The following CORO2B variants were observed in gnomAD, a reference collection of about 807,000 sequenced individuals.
CORO2B encodes the protein coronin-2B.
Under a neutral mutation model 58.8 loss-of-function variants are expected in CORO2B, and 26 were observed. The observed-to-expected ratio is 0.44, with a 90% CI of 0.32 to 0.61. The LOEUF (loss-of-function observed/expected upper bound fraction) is 0.61. Among genes scored for constraint, CORO2B ranks in the 20% least tolerant of loss-of-function variants. CORO2B has a pLI of 0.04. For synonymous variants in CORO2B, 242 were observed against 253.8 expected, an observed-to-expected ratio of 0.95 and a Z score of 0.44; for missense variants, 460 against 645.1, an observed-to-expected ratio of 0.71 and a Z score of 3.11.
intron 2 of CORO2B, among the ~76,000 whole-genome samples, chr15:68,652,253 G>A (rs1337657875): frequency 6.6e-6 from 1 of 152,160 alleles, no homozygotes; most frequent in Non-Finnish European, 1.5e-5. Context: ...TTTTCCCCTA[G>A]TTAACATTCA....
At chr15:68,586,748 C>T (rs146598423) in intron 1 of CORO2B, among the ~76,000 whole-genome samples, 1,717 of 152,136 alleles carry the variant, frequency 0.011, 27 homozygotes, top group Non-Finnish European at 0.02. Context: ...GGGAGGGTGG[C>T]CTGACCCTGG....
At chr15:68,644,139 T>G (rs998027633) in intron 1 of CORO2B, among the ~76,000 whole-genome samples, 1 of 152,228 alleles carries the variant, frequency 6.6e-6, no homozygotes, top group Admixed American at 6.5e-5. Context: ...TCCAAAATCT[T>G]AGCGGCTTAT....
At chr15:68,537,589 G>A in the CORO2B span, among the ~76,000 whole-genome samples, 1 of 152,046 alleles carries the variant, frequency 6.6e-6, no homozygotes, top group Non-Finnish European at 1.5e-5. Flanking sequence ...CTGTCAACCC[G>A]TCACCTAGGT....
At chr15:68,686,342 A>G (rs1339119676) in intron 2 of CORO2B, among the ~76,000 whole-genome samples, 1 of 151,910 alleles carries the variant, frequency 6.6e-6, no homozygotes, top group Admixed American at 6.6e-5. Flanking sequence ...GGCTTCATAC[A>G]CTGATTTCTA....
chr15:68,578,692 G>T (rs1293741274), upstream of CORO2B, among the ~76,000 whole-genome samples: 2 of 152,124 alleles, frequency 1.3e-5, no homozygotes, highest in South Asian at 2.1e-4. This position sits in a 1 kb window ranked among gnomAD's most constrained non-coding sequence, Gnocchi z 4.2. Context: ...CCGGGCCAGC[G>T]GGACACCCGA....
chr15:68,537,715 G>T, the CORO2B span, among the ~76,000 whole-genome samples: 1 of 152,102 alleles, frequency 6.6e-6, no homozygotes, highest in African/African-American at 2.4e-5. Context: ...ACATTGTTCA[G>T]CTCCCGCTTA....
intron 3 of CORO2B, among the ~76,000 whole-genome samples, chr15:68,708,517 C>A (rs975705159): frequency 6.6e-6 from 1 of 151,828 alleles, no homozygotes. Context: ...CCTGCCACTA[C>A]GCCTGGCTAA....
At chr15:68,555,978 G>T in the CORO2B span, among the ~76,000 whole-genome samples, 1 of 152,264 alleles carries the variant, frequency 6.6e-6, no homozygotes, top group Non-Finnish European at 1.5e-5. Flanking sequence ...GAACTGGAAA[G>T]GTTAATCGTG....
At chr15:68,598,880 C>T (rs1899905886) in intron 1 of CORO2B, among the ~76,000 whole-genome samples, 1 of 152,198 alleles carries the variant, frequency 6.6e-6, no homozygotes, top group Admixed American at 6.5e-5. Flanking sequence ...GGGATGGGAG[C>T]TGGGGCAGCC....
At position 68,644,014 on chromosome 15, in the gene CORO2B, G is replaced by A. The variant is rs115683580; in HGVS notation, c.16-1146G>A. On this transcript the variant is annotated intron_variant, in intron 1 of 11. Transcript: ENST00000261861. ...ATCGCACCATTGCACTCCAGCCTGG[G>A]TGACAGCCCCATCTCAAAAACAAAC... Among the ~76,000 whole-genome samples, 873 of 151,962 alleles carry A rather than the reference G, an allele frequency of 5.7e-3. 8 individuals carry two copies. The highest frequency in any genetic ancestry group is 0.02 in the African/African-American group (844 of 41,448).
chr15:68,537,328 G>T, the CORO2B span, among the ~76,000 whole-genome samples: 1 of 152,162 alleles, frequency 6.6e-6, no homozygotes, highest in Non-Finnish European at 1.5e-5. Flanking sequence ...AGATCTGGAG[G>T]GTGAAAGAGG....
At chr15:68,556,004 TG>T in the CORO2B span, among the ~76,000 whole-genome samples, 41 of 152,364 alleles carry the variant, frequency 2.7e-4, no homozygotes, top group Non-Finnish European at 2.1e-4. Context: ...ACAGAGGAGC[TG>T]GGTTCAGAGA....
the CORO2B span, among the ~76,000 whole-genome samples, chr15:68,568,793 A>C: frequency 6.6e-6 from 1 of 152,184 alleles, no homozygotes; most frequent in African/African-American, 2.4e-5. Context: ...ACACATGGAC[A>C]CAGGGAGGGG....
intron 2 of CORO2B, among the ~76,000 whole-genome samples, chr15:68,647,324 C>T (rs1901466407): frequency 6.6e-6 from 1 of 152,262 alleles, no homozygotes; most frequent in East Asian, 1.9e-4. Context: ...TACTTGACTA[C>T]AATATTTGCA....
chr15:68,613,919 G>A (rs911298434), intron 1 of CORO2B, among the ~76,000 whole-genome samples: 8 of 152,204 alleles, frequency 5.3e-5, no homozygotes, highest in African/African-American at 1.9e-4. Flanking sequence ...TGTGAGTTTA[G>A]CTTCCTTATT....
intron 1 of CORO2B, among the ~76,000 whole-genome samples, chr15:68,623,860 T>C (rs1376454519): frequency 6.6e-6 from 1 of 152,136 alleles, no homozygotes; most frequent in Non-Finnish European, 1.5e-5. Context: ...ACACCACGGA[T>C]TACAGCAGCT....
intron 1 of CORO2B, among the ~76,000 whole-genome samples, chr15:68,585,223 GTGTC>G (rs1174581225): frequency 6.6e-6 from 1 of 152,186 alleles, no homozygotes; most frequent in Admixed American, 6.5e-5. Flanking sequence ...GATAAACAGA[GTGTC>G]TGAGTGGAGA....
At chr15:68,672,825 C>T (rs1902448301) in intron 2 of CORO2B, among the ~76,000 whole-genome samples, 1 of 152,142 alleles carries the variant, frequency 6.6e-6, no homozygotes, top group Non-Finnish European at 1.5e-5. Flanking sequence ...CCTGCCCCTC[C>T]CCACCCCCAC....
intron 1 of CORO2B, among the ~76,000 whole-genome samples, chr15:68,611,372 G>A (rs1900243745): frequency 6.6e-6 from 1 of 152,068 alleles, no homozygotes; most frequent in Admixed American, 6.5e-5. Context: ...CCTTTGCATT[G>A]GGTGTTTTCC....
Sources: gnomAD v4.1 joint callset for allele counts (sites outside exome capture counted in the v4.1 genomes callset) on GRCh38, gnomAD v4.1.1 for gene constraint, Gnocchi (gnomAD v3.1) non-coding constraint, MANE v1.5 for transcripts, NCBI Gene and HGNC (gene_info 2026-07-23, HGNC 2026-07-21) for gene names.